The following SYNPO variants were observed in gnomAD, a reference collection of about 807,000 sequenced individuals.
The protein encoded by SYNPO is synaptopodin.
In SYNPO, 19 loss-of-function variants were observed where a neutral mutation model predicts 49.5. The ratio of observed to expected loss-of-function variants is 0.38; its 90% CI spans 0.27 to 0.56. The LOEUF is 0.56. Ranked by LOEUF, SYNPO falls within the 20% of genes least tolerant of loss-of-function variation. The pLI, the probability that SYNPO is intolerant of heterozygous loss-of-function variation, is 0.68. For synonymous variants in SYNPO, 536 were observed against 548.0 expected (o/e 0.98, Z 0.31); for missense variants, 1,131 against 1,248.3 (o/e 0.91, Z 1.42).
chr5:150,607,395 A>G (rs1194719006), intron 1 of SYNPO, among the ~76,000 whole-genome samples: 2 of 152,166 alleles, frequency 1.3e-5, no homozygotes, highest in African/African-American at 2.4e-5. Context: ...GTTTATTTCT[A>G]CTGAGGAGTT....
chr5:150,623,727 G>A (rs1452712803), intron 2 of SYNPO, among the ~76,000 whole-genome samples: 1 of 152,256 alleles, frequency 6.6e-6, no homozygotes, highest in Non-Finnish European at 1.5e-5. Flanking sequence ...AGGCCCTTGT[G>A]TGGGGTGGGC....
At chr5:150,654,502 G>A (rs1305981747) in intron 2 of SYNPO, among the ~76,000 whole-genome samples, 1 of 152,158 alleles carries the variant, frequency 6.6e-6, no homozygotes, top group East Asian at 1.9e-4. Context: ...AAAACCTAAT[G>A]AGATAAAGGA....
intron 2 of SYNPO, among the ~76,000 whole-genome samples, chr5:150,654,818 C>G (rs1054458205): frequency 6.6e-6 from 1 of 152,186 alleles, no homozygotes. Context: ...GAGGGTCTTT[C>G]CCTAAGTCCA....
chr5:150,589,656 G>A, the SYNPO span, among the ~76,000 whole-genome samples: 1 of 152,364 alleles, frequency 6.6e-6, no homozygotes, highest in African/African-American at 2.4e-5. Context: ...TGCCTAGAAG[G>A]TTTTGAGCAG....
At chr5:150,602,997 G>GGGGTGTGTGTGTGTGTGT (rs1554106602) in intron 1 of SYNPO, among the ~76,000 whole-genome samples, 2 of 131,184 alleles carry the variant, frequency 1.5e-5, no homozygotes, top group African/African-American at 5.9e-5. Flanking sequence ...GCCACCTTAG[G>GGGGTGTGTGTGTGTGTGT]GTGTGTGTGT....
intron 2 of SYNPO, among the ~76,000 whole-genome samples, chr5:150,620,523 G>A (rs2151370919): frequency 6.6e-6 from 1 of 152,372 alleles, no homozygotes; most frequent in Non-Finnish European, 1.5e-5. Flanking sequence ...CCATGATCCA[G>A]TCATGGTTTT....
Position 150,649,927 on chromosome 5 carries a change from A to G in SYNPO, c.1652A>G (p.Glu551Gly), listed in dbSNP as rs373945962. The G allele has an allele frequency of 1.2e-6, 2 of 1,612,190 alleles. No homozygotes were observed. The highest frequency in any genetic ancestry group is 1.7e-6 in the Non-Finnish European group (2 of 1,179,998). ...TCCCTCTACCATGGCTACCTGCCTGAGAACGGGGTCCTGCGCCCAGAGCCC... is the reference window on the plus strand; with the variant it reads ...TCCCTCTACCATGGCTACCTGCCTGGGAACGGGGTCCTGCGCCCAGAGCCC... Reference protein sequence around the residue: ...PASLYHGYLPENGVLRPEPTK... With the variant: ...PASLYHGYLPGNGVLRPEPTK... The change falls in exon 2 of 3, where the codon GAG (glutamate) becomes GGG (glycine). Residue 551 changes from glutamate (E) to glycine (G), a missense_variant. Transcript: ENST00000307662.
chr5:150,612,444 CCTCT>C (rs1163938857), intron 1 of SYNPO, among the ~76,000 whole-genome samples: 1 of 152,234 alleles, frequency 6.6e-6, no homozygotes, highest in South Asian at 2.1e-4. Context: ...ATTTCCCATT[CCTCT>C]CTTTCATTCG....
At position 150,612,159 on chromosome 5, in the gene SYNPO, A is replaced by G. The variant is rs534467563; in HGVS notation, c.-265-5944A>G. On this transcript the variant is annotated intron_variant, in intron 1 of 2. Transcript: ENST00000394243. ...TTCTTCCTGTTGTCAGGGAGAACTT[A>G]GCTCTGGATAGACCAGACAGTTCCC... Among the ~76,000 whole-genome samples the G allele has an allele frequency of 6.9e-4, 105 of 152,354 alleles. 1 individual carries two copies. Among genetic ancestry groups the G allele is most frequent in the Non-Finnish European group, 8.7e-4 (59 of 68,030 alleles).
chr5:150,621,113 C>A (rs1757158767), intron 2 of SYNPO, among the ~76,000 whole-genome samples: 2 of 151,896 alleles, frequency 1.3e-5, no homozygotes, highest in African/African-American at 4.8e-5. Context: ...CCACCATGCC[C>A]AGCTAATTTT....
chr5:150,630,674 G>A (rs1757507741), intron 2 of SYNPO, among the ~76,000 whole-genome samples: 1 of 152,244 alleles, frequency 6.6e-6, no homozygotes, highest in African/African-American at 2.4e-5. Flanking sequence ...CCATACCCTG[G>A]CTCTGGGCCT....
Position 150,656,686 on chromosome 5 carries a change from T to A in SYNPO, c.2311T>A (p.Ser771Thr). The A allele has an allele frequency of 2.7e-6, 4 of 1,458,242 alleles. No individual in the cohort carries two copies. The highest frequency in any genetic ancestry group is 4.8e-4 in the Middle Eastern group (2 of 4,158). The allele number at this position is 1,458,242 out of a possible 1,614,324, so 90.3% of individuals were successfully genotyped here. The change falls in exon 3 of 3, where the codon TCC (serine) becomes ACC (threonine). Residue 771 changes from serine (S) to threonine (T), a missense_variant. By Grantham distance (58) the Ser-to-Thr change is moderately conservative. This residue lies in a region of SYNPO where 509 missense variants were observed against 484.5 expected (regional missense o/e 1.05). Coordinates refer to ENST00000307662, the MANE Select transcript of SYNPO (RefSeq NM_007286.6). ...IINAARRKSA[S>T]PRSAGAENPR... ...CAATGCGGCCCGGCGCAAGAGCGCCTCCCCGCGGTCGGCGGGCGCCGAGAA... is the reference window on the plus strand; with the variant it reads ...CAATGCGGCCCGGCGCAAGAGCGCCACCCCGCGGTCGGCGGGCGCCGAGAA...
intron 1 of SYNPO, among the ~76,000 whole-genome samples, chr5:150,641,497 C>T (rs1325888859): frequency 6.6e-6 from 1 of 152,186 alleles, no homozygotes; most frequent in Non-Finnish European, 1.5e-5. Flanking sequence ...GAAGCATTTC[C>T]TTGAATTCTC....
In SYNPO at chr5:150,656,831, C is replaced by G. The variant is rs1372540631; in HGVS notation, c.2456C>G (p.Ala819Gly). The change falls in exon 3 of 3, where the codon GCC (alanine) becomes GGC (glycine). Residue 819 changes from alanine to glycine, a missense_variant. Physicochemically the swap from Ala to Gly is moderately conservative, Grantham distance 60. Transcript: ENST00000307662. ...RPGSAAVPGA[A>G]FAPIPRSPLP... is the part of the protein sequence containing the mutation. ...GGCTCGGCTGCTGTGCCGGGGGCAG[C>G]CTTCGCGCCCATCCCGCGGAGCCCG... The G allele has an allele frequency of 6.5e-7, 1 of 1,540,112 alleles. No homozygotes were observed. The highest frequency in any genetic ancestry group is 1.9e-5 in the Admixed American group (1 of 51,778).
At chr5:150,632,600 T>C (rs1441814006) in intron 2 of SYNPO, among the ~76,000 whole-genome samples, 1 of 152,178 alleles carries the variant, frequency 6.6e-6, no homozygotes, top group Non-Finnish European at 1.5e-5. Flanking sequence ...CCCTGAGAGC[T>C]TCTGACAGTT....
At chr5:150,628,319 A>G (rs1380677386) in intron 2 of SYNPO, among the ~76,000 whole-genome samples, 1 of 152,140 alleles carries the variant, frequency 6.6e-6, no homozygotes, top group African/African-American at 2.4e-5. Flanking sequence ...TACCCTGTCC[A>G]GCCTCCCAGG....
intron 2 of SYNPO, chr5:150,651,551 G>T: frequency 1.0e-6 from 1 of 1,002,180 alleles, no homozygotes; most frequent in Non-Finnish European, 1.2e-6. Context: ...GTGAGGGAAG[G>T]GTTGGAATGA....
intron 2 of SYNPO, among the ~76,000 whole-genome samples, chr5:150,621,624 C>T (rs551550330): frequency 1.3e-5 from 2 of 152,254 alleles, no homozygotes; most frequent in South Asian, 2.1e-4. Flanking sequence ...TCCATCCTTC[C>T]GCAATTGTAC....
chr5:150,623,454 A>G (rs1413249645), intron 2 of SYNPO, among the ~76,000 whole-genome samples: 1 of 151,882 alleles, frequency 6.6e-6, no homozygotes, highest in Non-Finnish European at 1.5e-5. Flanking sequence ...ACTTCCCTAG[A>G]GCAGGCACTC....
Sources: gnomAD v4.1 joint callset for allele counts (sites outside exome capture counted in the v4.1 genomes callset) on GRCh38, gnomAD v4.1.1 for gene constraint, gnomAD v4.1.1 regional missense constraint, MANE v1.5 for transcripts, NCBI Gene and HGNC (gene_info 2026-07-23, HGNC 2026-07-21) for gene names.